The following RYR3 variants were observed in gnomAD, a reference collection of about 807,000 sequenced individuals.
The protein encoded by RYR3 is ryanodine receptor 3, also known as brain ryanodine receptor-calcium release channel.
In RYR3, 207 loss-of-function variants were observed where a neutral mutation model predicts 584.3. The observed-to-expected ratio is 0.35, with a 90% CI of 0.32 to 0.40. The LOEUF is 0.40. Ranked by LOEUF, RYR3 falls within the 10% of genes least tolerant of loss-of-function variation. The probability of loss-of-function intolerance (pLI) is 1.00; values close to 1 mark genes in which losing one functional copy is unlikely to be tolerated. For missense variants in RYR3, 5,616 were observed against 6,089.2 expected (o/e 0.92, Z 2.59); for synonymous variants, 2,416 against 2,248.5 (o/e 1.07, Z -2.11).
intron 51 of RYR3, among the ~76,000 whole-genome samples, chr15:33,741,865 C>T (rs1169079418): frequency 2.6e-5 from 4 of 152,298 alleles, no homozygotes; most frequent in East Asian, 3.9e-4. Flanking sequence ...CCATCCACCT[C>T]GGCCTCCCAA....
chr15:33,634,660 G>A lies in RYR3; in HGVS notation c.3102G>A (p.Arg1034=). Residue 1034 remains arginine, a synonymous_variant, in exon 25 of 104, where the codon AGG becomes AGA. Coordinates refer to ENST00000634891, the MANE Select transcript of RYR3 (RefSeq NM_001036.6). ...ATGAGCGTACCAAGAAGTCAAACAG[G>A]GACAGCCTGCGGGAAGCTGTGCGCA... ...LLDERTKKSN[R]DSLREAVRTF... 1 of 1,613,906 alleles carries A rather than the reference G, an allele frequency of 6.2e-7. No homozygotes were observed. The highest frequency in any genetic ancestry group is 8.5e-7 in the Non-Finnish European group (1 of 1,179,806).
chr15:33,814,814 T>C (rs1245398373), intron 74 of RYR3, among the ~76,000 whole-genome samples: 1 of 150,802 alleles, frequency 6.6e-6, no homozygotes, highest in East Asian at 2.0e-4. Flanking sequence ...GGCAGGAGAA[T>C]TGCTTGAACC....
intron 1 of RYR3, among the ~76,000 whole-genome samples, chr15:33,457,314 A>G (rs532993140): frequency 6.6e-6 from 1 of 152,334 alleles, no homozygotes; most frequent in Admixed American, 6.5e-5. Flanking sequence ...ATGCAACACT[A>G]TCTACAATAG....
chr15:33,464,490 A>C (rs1437173916), intron 1 of RYR3, among the ~76,000 whole-genome samples: 1 of 58,892 alleles, frequency 1.7e-5, no homozygotes, highest in Non-Finnish European at 2.9e-5. Flanking sequence ...ATATATATAT[A>C]CACATATATA....
At chr15:33,836,811 C>T in intron 87 of RYR3, 95 bp from the exon 88 acceptor site, 1 of 904,904 alleles carries the variant, frequency 1.1e-6, no homozygotes. Flanking sequence ...ATGCAGCCTG[C>T]ACCTAACCTT....
chr15:33,509,788 C>T (rs1414326825), intron 3 of RYR3, among the ~76,000 whole-genome samples: 1 of 152,134 alleles, frequency 6.6e-6, no homozygotes, highest in African/African-American at 2.4e-5. Context: ...CAAGAACATC[C>T]TTGGTGCCCT....
Position 33,442,660 on chromosome 15 carries a change from G to T in RYR3, c.52-30759G>T, listed in dbSNP as rs148702800. On this transcript the variant is annotated intron_variant, in intron 1 of 103. Transcript: ENST00000634891. ...ACATGGCCTGAAAATGTCACATGTTGTTTATATGCCTTCCTCAAGCCAAAC... is the reference window on the plus strand; with the variant it reads ...ACATGGCCTGAAAATGTCACATGTTTTTTATATGCCTTCCTCAAGCCAAAC... Among the ~76,000 whole-genome samples the T allele has an allele frequency of 1.8e-3, 275 of 152,314 alleles. 1 individual carries two copies. Among genetic ancestry groups the T allele is most frequent in the African/African-American group, 6.4e-3 (266 of 41,580 alleles).
intron 60 of RYR3, among the ~76,000 whole-genome samples, chr15:33,759,884 C>A (rs1384922072): frequency 2.0e-5 from 3 of 152,034 alleles, no homozygotes; most frequent in Admixed American, 6.6e-5. Flanking sequence ...TTAAGGGCAG[C>A]CAGAGAGAAA....
At chr15:33,794,334 T>TATACACATATA (rs1216564897) in intron 67 of RYR3, among the ~76,000 whole-genome samples, 1 of 87,076 alleles carries the variant, frequency 1.1e-5, no homozygotes, top group Non-Finnish European at 2.4e-5. Flanking sequence ...TTTATATATG[T>TATACACATATA]TTATATATAT....
chr15:33,388,835 TG>T (rs1401645945), intron 1 of RYR3, among the ~76,000 whole-genome samples: 1 of 151,968 alleles, frequency 6.6e-6, no homozygotes, highest in Admixed American at 6.6e-5. Flanking sequence ...AGAGTGAAGC[TG>T]GGGAGGAAAC....
At chr15:33,452,348 A>G (rs1188588932) in intron 1 of RYR3, among the ~76,000 whole-genome samples, 6 of 152,214 alleles carry the variant, frequency 3.9e-5, no homozygotes, top group Non-Finnish European at 8.8e-5. Flanking sequence ...AGGATAATTT[A>G]TATTGCTTAG....
intron 19 of RYR3, among the ~76,000 whole-genome samples, chr15:33,614,983 C>G (rs928917991): frequency 6.6e-6 from 1 of 152,158 alleles, no homozygotes; most frequent in Non-Finnish European, 1.5e-5. Context: ...TTCTCTGCCT[C>G]TTTCCTCGTA....
intron 18 of RYR3, among the ~76,000 whole-genome samples, chr15:33,606,159 TTC>T (rs2059891541): frequency 6.6e-6 from 1 of 152,202 alleles, no homozygotes; most frequent in Non-Finnish European, 1.5e-5. Flanking sequence ...CACTTAATGT[TTC>T]TTTTTTTTAT....
intron 57 of RYR3, among the ~76,000 whole-genome samples, chr15:33,750,848 T>A (rs2071218888): frequency 6.6e-6 from 1 of 152,172 alleles, no homozygotes; most frequent in Admixed American, 6.5e-5. Context: ...CATTTGGTAT[T>A]TCTCCTAATG....
intron 1 of RYR3, among the ~76,000 whole-genome samples, chr15:33,472,761 C>T (rs1045110417): frequency 6.6e-6 from 1 of 152,084 alleles, no homozygotes; most frequent in African/African-American, 2.4e-5. Context: ...GGAGGGAGGT[C>T]TACTCCTTGA....
At chr15:33,476,390 G>C (rs2049381562) in intron 2 of RYR3, among the ~76,000 whole-genome samples, 1 of 152,178 alleles carries the variant, frequency 6.6e-6, no homozygotes, top group African/African-American at 2.4e-5. Flanking sequence ...TTTCAAGCAA[G>C]ATAAGACTGA....
intron 1 of RYR3, among the ~76,000 whole-genome samples, chr15:33,434,286 T>G (rs2045465294): frequency 6.6e-6 from 1 of 152,184 alleles, no homozygotes; most frequent in Admixed American, 6.5e-5. Context: ...GTTTGCCAGT[T>G]ACAGCGTCAG....
chr15:33,341,939 C>T (rs762768794), intron 1 of RYR3, among the ~76,000 whole-genome samples: 1 of 152,056 alleles, frequency 6.6e-6, no homozygotes, highest in Non-Finnish European at 1.5e-5. Context: ...TCGAGGGTGA[C>T]CTATGCAAAG....
intron 16 of RYR3, among the ~76,000 whole-genome samples, chr15:33,600,293 G>A (rs2059593852): frequency 6.6e-6 from 1 of 152,100 alleles, no homozygotes; most frequent in South Asian, 2.1e-4. Flanking sequence ...ACCCCACTAA[G>A]CATTGAGTCT....
Sources: gnomAD v4.1 joint callset for allele counts (sites outside exome capture counted in the v4.1 genomes callset) on GRCh38, gnomAD v4.1.1 for gene constraint, MANE v1.5 for transcripts, NCBI Gene and HGNC (gene_info 2026-07-23, HGNC 2026-07-21) for gene names.